PCDH9: variants seen among roughly 807,000 people sequenced by gnomAD.
PCDH9 encodes protocadherin-9.
PCDH9 carries 24 observed loss-of-function variants against 70.6 expected under a neutral mutation model. That is an observed-to-expected ratio of 0.34 (90% CI 0.25 to 0.48). The LOEUF (loss-of-function observed/expected upper bound fraction) is 0.48. PCDH9 is among the 20% of genes least tolerant of loss of function. The pLI, the probability that PCDH9 is intolerant of heterozygous loss-of-function variation, is 0.99. For synonymous variants in PCDH9, 562 were observed against 558.5 expected (o/e 1.01, Z -0.09); for missense variants, 1,281 against 1,503.6 (o/e 0.85, Z 2.45).
At chr13:66,653,414 T>C (rs759687987) in intron 3 of PCDH9, among the ~76,000 whole-genome samples, 15 of 152,132 alleles carry the variant, frequency 9.9e-5, no homozygotes, top group Non-Finnish European at 1.0e-4. Context: ...GAAAAGGTGC[T>C]CAACATCATT....
intron 2 of PCDH9, among the ~76,000 whole-genome samples, chr13:67,133,199 A>T (rs2087148931): frequency 6.6e-6 from 1 of 152,132 alleles, no homozygotes; most frequent in Non-Finnish European, 1.5e-5. Flanking sequence ...TGACTTCTGG[A>T]GATATCTATG....
At position 66,731,901 on chromosome 13, in the gene PCDH9, T is replaced by C. The variant is rs147726783; in HGVS notation, c.3139-100490A>G. Among the ~76,000 whole-genome samples, 609 of 152,172 alleles carry C rather than the reference T, an allele frequency of 4.0e-3. 1 individual carries two copies. Among genetic ancestry groups the C allele is most frequent in the Non-Finnish European group, 6.8e-3 (463 of 67,906 alleles). On this transcript the variant is annotated intron_variant, in intron 3 of 4. Coordinates refer to ENST00000377865, the MANE Select transcript of PCDH9 (RefSeq NM_203487.3). ...TCATGACAAATAGACTCTGCTATAT[T>C]TCTTAAAACATTTGATGTCACTGTT...
At chr13:66,795,406 T>C (rs938930032) in intron 3 of PCDH9, among the ~76,000 whole-genome samples, 3 of 152,184 alleles carry the variant, frequency 2.0e-5, no homozygotes, top group African/African-American at 7.2e-5. Flanking sequence ...CAAATACTTG[T>C]TGCTAACACC....
intron 2 of PCDH9, among the ~76,000 whole-genome samples, chr13:66,968,356 C>A (rs1232371177): frequency 6.6e-6 from 1 of 151,960 alleles, no homozygotes; most frequent in African/African-American, 2.4e-5. Flanking sequence ...TGGCTTTGTA[C>A]GGTATACTTC....
At chr13:66,964,590 T>C (rs1376749933) in intron 2 of PCDH9, among the ~76,000 whole-genome samples, 1 of 151,952 alleles carries the variant, frequency 6.6e-6, no homozygotes, top group African/African-American at 2.4e-5. Flanking sequence ...AAATCATCTA[T>C]GAAATGCTTT....
At chr13:66,812,807 C>A (rs1254182121) in intron 3 of PCDH9, among the ~76,000 whole-genome samples, 8 of 152,106 alleles carry the variant, frequency 5.3e-5, no homozygotes, top group African/African-American at 1.9e-4. Context: ...CATCATTTTT[C>A]TTTGGATTAA....
At chr13:66,973,343 T>C (rs560277264) in intron 2 of PCDH9, among the ~76,000 whole-genome samples, 2 of 152,020 alleles carry the variant, frequency 1.3e-5, no homozygotes, top group Non-Finnish European at 2.9e-5. Context: ...TCTAGTAACA[T>C]AAGTTGATAC....
chr13:66,998,537 C>T (rs1470526372), intron 2 of PCDH9, among the ~76,000 whole-genome samples: 1 of 152,182 alleles, frequency 6.6e-6, no homozygotes, highest in Non-Finnish European at 1.5e-5. Context: ...ATCTCCCTTA[C>T]TTCTTCAAAC....
chr13:66,874,847 A>AT (rs1000995059), intron 3 of PCDH9, among the ~76,000 whole-genome samples: 1 of 150,796 alleles, frequency 6.6e-6, no homozygotes, highest in African/African-American at 2.4e-5. Flanking sequence ...AAGTCTATTA[A>AT]TTTTTTTTCT....
chr13:66,385,991 T>C (rs1956921712), intron 4 of PCDH9, among the ~76,000 whole-genome samples: 2 of 146,622 alleles, frequency 1.4e-5, no homozygotes, highest in African/African-American at 2.6e-5. Flanking sequence ...AAGAAACGTA[T>C]CTGATAAAAA....
intron 3 of PCDH9, among the ~76,000 whole-genome samples, chr13:66,708,064 T>C (rs2139122773): frequency 6.6e-6 from 1 of 152,044 alleles, no homozygotes; most frequent in South Asian, 2.1e-4. Flanking sequence ...TTTTTTTATT[T>C]TTTGAGACGG....
Position 67,226,619 on chromosome 13 carries a change from T to A in PCDH9, c.1822A>T (p.Thr608Ser). The A allele has an allele frequency of 6.2e-7, 1 of 1,613,904 alleles. No homozygotes were observed. The highest frequency in any genetic ancestry group is 8.5e-7 in the Non-Finnish European group (1 of 1,179,928). Residue 608 changes from threonine (T) to serine (S), a missense_variant, in exon 2 of 5, where the codon ACT (threonine) becomes TCT (serine). Coordinates refer to ENST00000377865, the MANE Select transcript of PCDH9 (RefSeq NM_203487.3). This position sits in a 1 kb window ranked among gnomAD's most constrained non-coding sequence, Gnocchi z 5.0. ...TCATTGTCATTTAGAATGGAAAGAG[T>A]CACAGCTTTATTCTCTCCAGCATCT... ...DADAGENKAV[T>S]LSILNDNDNF...
At chr13:67,064,700 A>G (rs2085607121) in intron 2 of PCDH9, among the ~76,000 whole-genome samples, 1 of 152,106 alleles carries the variant, frequency 6.6e-6, no homozygotes, top group African/African-American at 2.4e-5. Flanking sequence ...TCTCCTCTTT[A>G]TATTTCTTCT....
chr13:66,419,710 A>G (rs1957528456), intron 4 of PCDH9, among the ~76,000 whole-genome samples: 1 of 151,820 alleles, frequency 6.6e-6, no homozygotes, highest in African/African-American at 2.4e-5. Context: ...CTGGGTTTCA[A>G]GCACAAAACT....
chr13:66,334,434 T>C (rs960554268), intron 4 of PCDH9, among the ~76,000 whole-genome samples: 2 of 152,066 alleles, frequency 1.3e-5, no homozygotes, highest in African/African-American at 2.4e-5. Context: ...GTGTTGGTCT[T>C]CAAACCATCA....
At chr13:66,436,396 A>G (rs1453335374) in intron 4 of PCDH9, among the ~76,000 whole-genome samples, 1 of 152,152 alleles carries the variant, frequency 6.6e-6, no homozygotes, top group Non-Finnish European at 1.5e-5. Flanking sequence ...TGAGAAAATG[A>G]ATTTCTATTC....
intron 2 of PCDH9, among the ~76,000 whole-genome samples, chr13:67,090,598 G>A (rs2086198522): frequency 6.6e-6 from 1 of 151,794 alleles, no homozygotes; most frequent in Non-Finnish European, 1.5e-5. Flanking sequence ...AAAAATAGTA[G>A]TGACTGAACT....
Position 66,619,521 on chromosome 13 carries a change from C to G in PCDH9, c.3340+11689G>C, listed in dbSNP as rs1380066226. Among the ~76,000 whole-genome samples the G allele has an allele frequency of 2.0e-5, 3 of 152,232 alleles. No individual in the cohort carries two copies. The East Asian group carries it at 5.8e-4, about 29-fold the overall frequency. On this transcript the variant is annotated intron_variant, in intron 4 of 4. Transcript: ENST00000377865. ...CCATGGTCATTTTTTAAGCTTGAAACTTTGCTAAATAATTAAGATACATGT... is the reference window on the plus strand; with the variant it reads ...CCATGGTCATTTTTTAAGCTTGAAAGTTTGCTAAATAATTAAGATACATGT...
chr13:66,646,999 G>A (rs961439853), intron 3 of PCDH9, among the ~76,000 whole-genome samples: 1 of 152,140 alleles, frequency 6.6e-6, no homozygotes, highest in Admixed American at 6.6e-5. Flanking sequence ...CCCATGGAGA[G>A]AACATTTAGA....
Sources: allele counts gnomAD v4.1 joint callset (sites outside exome capture counted in the v4.1 genomes callset), GRCh38; gene constraint gnomAD v4.1.1; non-coding constraint Gnocchi (gnomAD v3.1); transcripts MANE v1.5; gene names NCBI Gene and HGNC (gene_info 2026-07-23, HGNC 2026-07-21).